MID2: variants seen among roughly 807,000 people sequenced by gnomAD.
The protein encoded by MID2 is midline 2.
A neutral mutation model predicts 46.1 loss-of-function variants in MID2; 13 were observed. The ratio of observed to expected loss-of-function variants is 0.28; its 90% CI spans 0.18 to 0.45. The LOEUF (loss-of-function observed/expected upper bound fraction) is 0.45. Among genes scored for constraint, MID2 ranks in the 20% least tolerant of loss-of-function variants. The pLI is 1.00. For missense variants in MID2, 431 were observed against 575.4 expected, an observed-to-expected ratio of 0.75 and a Z score of 2.57; for synonymous variants, 199 against 212.3, an observed-to-expected ratio of 0.94 and a Z score of 0.55.
chrX:107,916,381 G>A lies in MID2; in HGVS notation c.1201+252G>A, dbSNP rs772395993. Among the ~76,000 whole-genome samples the A allele has an allele frequency of 1.4e-4, 16 of 112,196 alleles. No individual in the cohort carries two copies. In the South Asian group the frequency reaches 5.2e-3, roughly 36 times the overall value. The stretch of plus-strand genomic sequence containing the variant: ...ACTTAAGAGTAAAACACAAGAAATT[G>A]CTGATAGATTTGTCCTTATGAATCT... On this transcript the variant is annotated intron_variant, in intron 6 of 9. Transcript: ENST00000262843.
Position 107,931,291 on chromosome X carries a change from C to G in MID2, c.*4218C>G, listed in dbSNP as rs1397947396. Among the ~76,000 whole-genome samples the G allele has an allele frequency of 8.9e-6, 1 of 112,332 alleles. No homozygotes were observed. The highest frequency in any genetic ancestry group is 1.9e-5 in the Non-Finnish European group (1 of 53,215). ...ACTTATTTCTAGCTCCTGAAGCCAA[C>G]TGCAGCCTTGGAGCCAATGGCTGTA... On this transcript the variant is annotated 3_prime_UTR_variant, in exon 10 of 10. Coordinates refer to ENST00000262843, the MANE Select transcript of MID2 (RefSeq NM_012216.4).
intron 1 of MID2, among the ~76,000 whole-genome samples, chrX:107,833,874 G>C (rs1931146188): frequency 9.0e-6 from 1 of 111,431 alleles, no homozygotes; most frequent in Non-Finnish European, 1.9e-5. Flanking sequence ...GCTTACTGCA[G>C]CTTCGACCTG....
intron 3 of MID2, among the ~76,000 whole-genome samples, chrX:107,870,411 C>G (rs1932038589): frequency 9.1e-6 from 1 of 110,189 alleles, no homozygotes; most frequent in South Asian, 3.9e-4. Context: ...TTTGTTCTTT[C>G]AAAGTTTATG....
chrX:107,926,694 A>C lies in MID2; in HGVS notation c.1829A>C (p.Lys610Thr). The C allele has an allele frequency of 2.5e-6, 3 of 1,210,155 alleles. No homozygotes were observed. The highest frequency in any genetic ancestry group is 3.4e-6 in the Non-Finnish European group (3 of 894,288). The stretch of plus-strand genomic sequence containing the variant: ...AGGTATGCAATTGGCATTGCCTACA[A>C]ATCAGCTCCAAAGAATGAATGGATT... The part of the protein sequence containing the change: ...STWYAIGIAY[K>T]SAPKNEWIGK... Residue 610 changes from lysine to threonine, a missense_variant, in exon 10 of 10, where the codon AAA (lysine) becomes ACA (threonine). By Grantham distance (78) the Lys-to-Thr change is moderately conservative. Transcript: ENST00000262843.
chrX:107,894,148 T>C (rs1434586479), intron 3 of MID2, among the ~76,000 whole-genome samples: 1 of 111,793 alleles, frequency 8.9e-6, no homozygotes, highest in Non-Finnish European at 1.9e-5. Flanking sequence ...ATATACCGAT[T>C]TGTCTCCCCA....
chrX:107,832,423 G>A (rs895016377), intron 1 of MID2, among the ~76,000 whole-genome samples: 4 of 111,778 alleles, frequency 3.6e-5, no homozygotes, highest in African/African-American at 9.8e-5. Context: ...AACATTTTTG[G>A]CTTTTCTTAA....
intron 3 of MID2, among the ~76,000 whole-genome samples, chrX:107,903,433 C>T (rs1932810891): frequency 9.0e-6 from 1 of 110,649 alleles, no homozygotes; most frequent in Admixed American, 9.6e-5. Flanking sequence ...GTGAGAAATA[C>T]CCACTAAAAC....
chrX:107,841,493 T>C, intron 2 of MID2, 108 bp downstream of exon 2: 1 of 553,347 alleles, frequency 1.8e-6, no homozygotes, highest in East Asian at 3.5e-5. Context: ...GAGTTAACTT[T>C]AAGTTGTTCT....
At chrX:107,871,122 G>A (rs184773460) in intron 3 of MID2, among the ~76,000 whole-genome samples, 120 of 111,301 alleles carry the variant, frequency 1.1e-3, no homozygotes, top group African/African-American at 3.5e-3. Flanking sequence ...GGTATTTAGT[G>A]TGTGCTCTTT....
chrX:107,869,254 T>A (rs1932018201), intron 3 of MID2, among the ~76,000 whole-genome samples: 1 of 111,571 alleles, frequency 9.0e-6, no homozygotes, highest in African/African-American at 3.3e-5. Context: ...TCCTGTTGAG[T>A]GGATATGCTA....
intron 3 of MID2, among the ~76,000 whole-genome samples, chrX:107,882,153 T>G (rs186991228): frequency 3.2e-4 from 36 of 112,290 alleles, no homozygotes; most frequent in East Asian, 2.8e-3. Flanking sequence ...GCTAGCCATA[T>G]GTAGAAAGCT....
chrX:107,840,225 T>A (rs1931307988), intron 1 of MID2, among the ~76,000 whole-genome samples: 1 of 110,766 alleles, frequency 9.0e-6, no homozygotes, highest in South Asian at 3.8e-4. Flanking sequence ...GGCATTGTTT[T>A]CCTTACACTG....
chrX:107,903,043 G>A (rs947688930), intron 3 of MID2, among the ~76,000 whole-genome samples: 3 of 111,731 alleles, frequency 2.7e-5, no homozygotes, highest in East Asian at 2.8e-4. Context: ...AATTCTCTAC[G>A]CCTCAGTTTC....
At chrX:107,894,207 T>TC (rs201041376) in intron 3 of MID2, among the ~76,000 whole-genome samples, 2 of 111,534 alleles carry the variant, frequency 1.8e-5, no homozygotes, top group Non-Finnish European at 3.8e-5. Context: ...TTTTTTTTTT[T>TC]ATACCCAGCA....
rs936076055 is a variant in MID2, at chrX:107,929,482, C to G, written c.*2409C>G. 9.0e-6 allele frequency among the ~76,000 whole-genome samples: 1 copy of G among 111,496 alleles called. No individual in the cohort carries two copies. Among genetic ancestry groups the G allele is most frequent in the African/African-American group, 3.3e-5 (1 of 30,694 alleles). Reference sequence around the variant, plus strand: ...TTAACTATTTACACAACTATTCACACAAGTTATTCTCTGGGCCTGCAGCAG... The same window carrying G: ...TTAACTATTTACACAACTATTCACAGAAGTTATTCTCTGGGCCTGCAGCAG... On this transcript the variant is annotated 3_prime_UTR_variant, in exon 10 of 10. Transcript: ENST00000262843.
chrX:107,917,189 G>A (rs888437842), intron 6 of MID2, among the ~76,000 whole-genome samples: 11 of 111,836 alleles, frequency 9.8e-5, no homozygotes, highest in Non-Finnish European at 1.5e-4. Context: ...GTTGAAGACC[G>A]TATGTTAAGA....
At position 107,838,435 on chromosome X, in the gene MID2, CCAA is replaced by C. The variant is rs768704576; in HGVS notation, c.5-2230_5-2228del. ...GATGTTATAAGCTACAAAATACTGGCCAACAACTTTCAAGCACCTGTAAATTCT... is the reference window on the plus strand; with the variant it reads ...GATGTTATAAGCTACAAAATACTGGCCAACTTTCAAGCACCTGTAAATTCT... On this transcript the variant is annotated intron_variant, in intron 1 of 9. Transcript: ENST00000262843. Among the ~76,000 whole-genome samples, 3 of 111,808 alleles carry C rather than the reference CCAA, an allele frequency of 2.7e-5. No individual in the cohort carries two copies. The East Asian group carries it at 8.4e-4, about 31-fold the overall frequency.
intron 3 of MID2, among the ~76,000 whole-genome samples, chrX:107,856,206 T>C (rs1931735428): frequency 8.9e-6 from 1 of 111,992 alleles, no homozygotes; most frequent in African/African-American, 3.2e-5. Flanking sequence ...TATAAAGTAT[T>C]TCAAAGTGGC....
chrX:107,887,732 C>T (rs1001428101), intron 3 of MID2, among the ~76,000 whole-genome samples: 8 of 111,692 alleles, frequency 7.2e-5, no homozygotes, highest in Non-Finnish European at 1.5e-4. Context: ...TGGTAGAATT[C>T]AGCTGTGAAT....
Sources: allele counts gnomAD v4.1 joint callset (sites outside exome capture counted in the v4.1 genomes callset), GRCh38; gene constraint gnomAD v4.1.1; transcripts MANE v1.5; gene names NCBI Gene and HGNC (gene_info 2026-07-23, HGNC 2026-07-21).